GTF2A1: variants seen among roughly 807,000 people sequenced by gnomAD.
The protein encoded by GTF2A1 is general transcription factor IIA subunit 1, also known as transcription initiation factor IIA subunit 1.
Under a neutral mutation model 54.1 loss-of-function variants are expected in GTF2A1, and 12 were observed. The ratio of observed to expected loss-of-function variants is 0.22; its 90% CI spans 0.14 to 0.36. GTF2A1 has a LOEUF of 0.36. GTF2A1 is among the 10% of genes least tolerant of loss of function. The probability of loss-of-function intolerance (pLI) is 1.00; values close to 1 mark genes in which losing one functional copy is unlikely to be tolerated. For synonymous variants in GTF2A1, 145 were observed against 152.0 expected (o/e 0.95, Z 0.34); for missense variants, 335 against 442.2 (o/e 0.76, Z 2.17).
chr14:81,202,887 G>A (rs1281155460), intron 3 of GTF2A1: 6 of 436,358 alleles, frequency 1.4e-5, no homozygotes, highest in African/African-American at 6.2e-5. Flanking sequence ...TTAAAATTAG[G>A]TATGAAAAGT....
intron 7 of GTF2A1, among the ~76,000 whole-genome samples, chr14:81,189,645 T>C (rs1892830949): frequency 6.6e-6 from 1 of 151,832 alleles, no homozygotes; most frequent in Non-Finnish European, 1.5e-5. Context: ...CACTCCAGCT[T>C]GGGTGACAGA....
chr14:81,206,936 A>G (rs56029379), intron 2 of GTF2A1, among the ~76,000 whole-genome samples: 6,345 of 152,260 alleles, frequency 0.042, 455 homozygotes, highest in African/African-American at 0.15. Flanking sequence ...TTTTTGTTAT[A>G]CACACATACA....
chr14:81,213,226 T>C (rs1893411881), intron 2 of GTF2A1, among the ~76,000 whole-genome samples: 1 of 152,212 alleles, frequency 6.6e-6, no homozygotes, highest in African/African-American at 2.4e-5. Context: ...GTCACATTTT[T>C]TGTCATTTAA....
chr14:81,220,593 T>TG lies in GTF2A1; in HGVS notation c.-76_-75insC. 1.9e-6 allele frequency: 2 copies of TG among 1,080,156 alleles called. No individual in the cohort carries two copies. The highest frequency in any genetic ancestry group is 2.6e-6 in the Non-Finnish European group (2 of 782,624). 66.9% of individuals were successfully genotyped at this position (1,080,156 alleles called of 1,614,324 possible). A position where few individuals can be genotyped will look rare whatever the true frequency, so the allele number is the denominator to read the frequency against. On this transcript the variant is annotated 5_prime_UTR_variant, in exon 1 of 9. Transcript: ENST00000553612. ...AAAACAAAACCAAAAAAAAAAAAAC[T>TG]ATAACACCCGGAGGGTGACCCAAAT...
rs1210402735 is a variant in GTF2A1 at position 81,196,183 on chromosome 14, C to G, written c.537G>C (p.Gln179His). 2 of 1,613,880 alleles carry G rather than the reference C, an allele frequency of 1.2e-6. No individual in the cohort carries two copies. Among genetic ancestry groups the G allele is most frequent in the Non-Finnish European group, 1.7e-6 (2 of 1,179,876 alleles). ...CCTGTTGTTGTAGAACCACTGACTG[C>G]TGAGGCTGAAAGATATATTGGGCAC... Reference protein sequence around the residue: ...ANGAQYIFQPQQSVVLQQQVI... With the variant: ...ANGAQYIFQPHQSVVLQQQVI... Residue 179 changes from glutamine (Q) to histidine (H), a missense_variant, in exon 6 of 9, where the codon CAG becomes CAC. Physicochemically the swap from Gln to His is conservative, Grantham distance 24. Transcript: ENST00000553612.
chr14:81,186,592 A>G (rs1892751419), intron 7 of GTF2A1, among the ~76,000 whole-genome samples: 1 of 152,224 alleles, frequency 6.6e-6, no homozygotes, highest in Admixed American at 6.5e-5. Context: ...AGAAGATGTA[A>G]CTGAGATTTC....
At chr14:81,213,708 T>C (rs1595230852) in intron 2 of GTF2A1, among the ~76,000 whole-genome samples, 1 of 152,212 alleles carries the variant, frequency 6.6e-6, no homozygotes, top group East Asian at 1.9e-4. Flanking sequence ...ATTAGCACTC[T>C]TACACTTGTA....
At chr14:81,213,306 A>G (rs8017276) in intron 2 of GTF2A1, among the ~76,000 whole-genome samples, 1,490 of 122,500 alleles carry the variant, frequency 0.012, 29 homozygotes, top group African/African-American at 0.045. Context: ...ATATATAACA[A>G]AAATGGAGGT....
Position 81,180,188 on chromosome 14 carries a change from GTTTCT to G in GTF2A1, c.*30_*34del. On this transcript the variant is annotated 3_prime_UTR_variant, in exon 9 of 9. Coordinates refer to ENST00000553612, the MANE Select transcript of GTF2A1 (RefSeq NM_015859.4). ...ACTGTCCGCTTTACATTTTTTTTAA[GTTTCT>G]TTTATTTATAAAAGAAAAAAAGCAA... 1.2e-6 allele frequency: 1 copy of G among 849,740 alleles called. No homozygotes were observed. The highest frequency in any genetic ancestry group is 1.9e-6 in the Non-Finnish European group (1 of 531,596). 52.6% of individuals were successfully genotyped at this position (849,740 alleles called of 1,614,324 possible).
At chr14:81,217,144 T>C (rs1317264256) in intron 1 of GTF2A1, among the ~76,000 whole-genome samples, 1 of 152,230 alleles carries the variant, frequency 6.6e-6, no homozygotes, top group Non-Finnish European at 1.5e-5. Context: ...AACATTATAA[T>C]GAACATGAAC....
At chr14:81,216,676 T>C (rs1370493164) in intron 1 of GTF2A1, among the ~76,000 whole-genome samples, 162 bp from the exon 2 acceptor site, 1 of 152,238 alleles carries the variant, frequency 6.6e-6, no homozygotes, top group Non-Finnish European at 1.5e-5. Context: ...ATTTGATGAC[T>C]GCACACTTTA....
At chr14:81,215,403 T>C (rs1054109040) in intron 2 of GTF2A1, among the ~76,000 whole-genome samples, 7 of 152,168 alleles carry the variant, frequency 4.6e-5, no homozygotes, top group African/African-American at 1.4e-4. Flanking sequence ...CTTAAGCATT[T>C]AGTCAACCTT....
chr14:81,198,321 T>C (rs979508368), intron 4 of GTF2A1, among the ~76,000 whole-genome samples: 1 of 152,116 alleles, frequency 6.6e-6, no homozygotes, highest in Non-Finnish European at 1.5e-5. Flanking sequence ...GGTGCACACC[T>C]GTAGTCCCAG....
intron 2 of GTF2A1, among the ~76,000 whole-genome samples, chr14:81,207,604 G>A (rs1447804539): frequency 6.6e-6 from 1 of 152,218 alleles, no homozygotes; most frequent in South Asian, 2.1e-4. Flanking sequence ...AACAGGCAGA[G>A]GCTGGAACGG....
upstream of GTF2A1, chr14:81,221,339 G>C (rs1366733448): frequency 6.6e-6 from 1 of 152,104 alleles, no homozygotes; most frequent in Admixed American, 6.6e-5. Flanking sequence ...GCTAGGAAAT[G>C]TGACAGAGGC....
Position 81,192,763 on chromosome 14 carries a change from C to T in GTF2A1, c.689G>A (p.Gly230Glu). 1 of 1,611,112 alleles carries T rather than the reference C, an allele frequency of 6.2e-7. No homozygotes were observed. The highest frequency in any genetic ancestry group is 8.5e-7 in the Non-Finnish European group (1 of 1,177,230). ...IIQPQQILFT[G>E]NKTQVIPTTV... ...CGTAGGTATAACTTGAGTCTTATTT[C>T]CTGTAAATAAGATTTGCTGAGGCTG... is the stretch of plus-strand genomic sequence containing the variant. Residue 230 changes from glycine (G) to glutamate (E), a missense_variant, in exon 7 of 9, where the codon GGA (glycine) becomes GAA (glutamate). By Grantham distance (98) the Gly-to-Glu change is moderately conservative. Around this residue, in one of 2 missense-constraint regions of GTF2A1, gnomAD observed 306 missense variants for 360.4 expected, o/e 0.85. Transcript: ENST00000553612.
chr14:81,191,440 G>A (rs1169570601), intron 7 of GTF2A1, among the ~76,000 whole-genome samples: 1 of 152,020 alleles, frequency 6.6e-6, no homozygotes, highest in Non-Finnish European at 1.5e-5. Flanking sequence ...TAGAAAAATT[G>A]ACAAATAAAA....
At chr14:81,213,591 T>C (rs1893421430) in intron 2 of GTF2A1, among the ~76,000 whole-genome samples, 1 of 152,150 alleles carries the variant, frequency 6.6e-6, no homozygotes, top group Admixed American at 6.5e-5. Context: ...CATTCCACGT[T>C]ACACTAAGGA....
At chr14:81,209,510 T>C (rs73344385) in intron 2 of GTF2A1, among the ~76,000 whole-genome samples, 187 of 152,322 alleles carry the variant, frequency 1.2e-3, no homozygotes, top group African/African-American at 4.4e-3. Flanking sequence ...GAATACTTAT[T>C]TGCAAAAGAT....
Sources: allele counts gnomAD v4.1 joint callset (sites outside exome capture counted in the v4.1 genomes callset), GRCh38; gene constraint gnomAD v4.1.1; regional missense constraint gnomAD v4.1.1; transcripts MANE v1.5; gene names NCBI Gene and HGNC (gene_info 2026-07-23, HGNC 2026-07-21).